Variants in KCNMB2 observed in about 807,000 individuals in gnomAD.
KCNMB2 encodes potassium calcium-activated channel subfamily M regulatory beta subunit 2.
A neutral mutation model predicts 24.5 loss-of-function variants in KCNMB2; 9 were observed. The ratio of observed to expected loss-of-function variants is 0.37; its 90% confidence interval spans 0.22 to 0.64. KCNMB2 has a LOEUF of 0.64. KCNMB2 is among the 30% of genes least tolerant of loss of function. The pLI is 0.63. For missense variants in KCNMB2, 226 were observed against 284.3 expected, an observed-to-expected ratio of 0.79 and a Z score of 1.47; for synonymous variants, 109 against 104.4, an observed-to-expected ratio of 1.04 and a Z score of -0.27.
chr3:178,695,998 G>A (rs757177285), intron 1 of KCNMB2, among the ~76,000 whole-genome samples: 2 of 152,190 alleles, frequency 1.3e-5, no homozygotes, highest in Non-Finnish European at 2.9e-5. Context: ...ACCTGAGACT[G>A]GGTCATTTAT....
chr3:178,742,188 T>C (rs763233019), intron 1 of KCNMB2, among the ~76,000 whole-genome samples: 3 of 152,204 alleles, frequency 2.0e-5, no homozygotes, highest in Non-Finnish European at 2.9e-5. Flanking sequence ...TACTCTACGG[T>C]TAATGGTTAG....
chr3:178,841,533 T>G (rs1438732316), intron 4 of KCNMB2: 2 of 152,204 alleles, frequency 1.3e-5, no homozygotes, highest in African/African-American at 4.8e-5. Context: ...GAAAAAGGTT[T>G]AATTAACTCA....
In KCNMB2 at chr3:178,568,816, T is replaced by TA. The variant is rs1553813572; in HGVS notation, c.-68+32107dup. ...ATAGATAGATAGATAGATAGATAGA[T>TA]AATAGATAGATAGATGATAGATAGA... On this transcript the variant is annotated intron_variant, in intron 1 of 4. Coordinates refer to ENST00000452583, the MANE Select transcript of KCNMB2 (RefSeq NM_181361.3). Among the ~76,000 whole-genome samples, 138 of 49,050 alleles carry TA rather than the reference T, an allele frequency of 2.8e-3. 1 individual carries two copies. Among genetic ancestry groups the TA allele is most frequent in the East Asian group, 0.014 (32 of 2,330 alleles). The allele number at this position is 49,050 out of a possible 152,430, so 32.2% of individuals were successfully genotyped here.
intron 2 of KCNMB2, among the ~76,000 whole-genome samples, chr3:178,821,372 C>T (rs1456212289): frequency 6.6e-6 from 1 of 152,184 alleles, no homozygotes; most frequent in Non-Finnish European, 1.5e-5. Flanking sequence ...AACTAATGCA[C>T]CCTGTCTCAG....
rs997597107 is a variant in KCNMB2 at position 178,730,257 on chromosome 3, A to C, written c.-67-77086A>C. Among the ~76,000 whole-genome samples the C allele has an allele frequency of 5.3e-5, 8 of 152,364 alleles. No individual in the cohort carries two copies. The South Asian group carries it at 1.0e-3, about 20-fold the overall frequency. ...TATGATCTGCAAATTATCAAATTGCATAACTTGCTCATGATACAGATGCTT... is the reference window on the plus strand; with the variant it reads ...TATGATCTGCAAATTATCAAATTGCCTAACTTGCTCATGATACAGATGCTT... On this transcript the variant is annotated intron_variant, in intron 1 of 4. Coordinates refer to ENST00000452583, the MANE Select transcript of KCNMB2 (RefSeq NM_181361.3).
At chr3:178,830,337 GTTTA>G (rs774638848) in intron 4 of KCNMB2, among the ~76,000 whole-genome samples, 34 of 152,120 alleles carry the variant, frequency 2.2e-4, no homozygotes, top group African/African-American at 6.3e-4. Context: ...GAGTATGTCT[GTTTA>G]TTTATTCATT....
chr3:178,614,285 A>ATGTATGTG (rs1333045490), intron 1 of KCNMB2, among the ~76,000 whole-genome samples: 34 of 103,252 alleles, frequency 3.3e-4, no homozygotes, highest in Middle Eastern at 4.5e-3. Context: ...ATATATATAT[A>ATGTATGTG]TATATATATA....
intron 1 of KCNMB2, among the ~76,000 whole-genome samples, chr3:178,630,975 T>C (rs1205069579): frequency 6.6e-6 from 1 of 152,194 alleles, no homozygotes; most frequent in African/African-American, 2.4e-5. Context: ...GCACCTTATT[T>C]TTCAGTAGTT....
chr3:178,568,885 T>C (rs1257279155), intron 1 of KCNMB2, among the ~76,000 whole-genome samples: 1 of 147,022 alleles, frequency 6.8e-6, no homozygotes, highest in East Asian at 2.0e-4. Context: ...GATAGATAGA[T>C]AGATAGATAG....
intron 1 of KCNMB2, among the ~76,000 whole-genome samples, chr3:178,741,301 G>GA (rs1559997599): frequency 1.3e-5 from 2 of 151,976 alleles, no homozygotes; most frequent in African/African-American, 2.4e-5. Flanking sequence ...GCTGTTTTAA[G>GA]AAAAAAATGG....
chr3:178,628,939 T>A (rs1373549449), intron 1 of KCNMB2, among the ~76,000 whole-genome samples: 1 of 152,190 alleles, frequency 6.6e-6, no homozygotes, highest in Non-Finnish European at 1.5e-5. Context: ...CCATAAGACC[T>A]CTGTCTACTT....
chr3:178,757,302 AT>A, intron 1 of KCNMB2, among the ~76,000 whole-genome samples: 1 of 104,918 alleles, frequency 9.5e-6, no homozygotes, highest in African/African-American at 3.7e-5. Flanking sequence ...ATATATATAT[AT>A]ATATCCATCC....
At chr3:178,713,089 A>G (rs1222446482) in intron 1 of KCNMB2, among the ~76,000 whole-genome samples, 2 of 152,216 alleles carry the variant, frequency 1.3e-5, no homozygotes, top group Non-Finnish European at 2.9e-5. Flanking sequence ...AAATGGACTG[A>G]GAGATCTTAT....
At chr3:178,761,813 C>T (rs1354399040) in intron 1 of KCNMB2, among the ~76,000 whole-genome samples, 1 of 152,102 alleles carries the variant, frequency 6.6e-6, no homozygotes, top group African/African-American at 2.4e-5. Context: ...GAAGGAGATA[C>T]ACAATAAACA....
chr3:178,728,922 G>C (rs1014879545), intron 1 of KCNMB2, among the ~76,000 whole-genome samples: 1 of 152,090 alleles, frequency 6.6e-6, no homozygotes, highest in Non-Finnish European at 1.5e-5. Context: ...TGTTCTCAAC[G>C]TTAGAACCAA....
chr3:178,654,076 C>T (rs560699161), intron 1 of KCNMB2, among the ~76,000 whole-genome samples: 19 of 152,132 alleles, frequency 1.2e-4, no homozygotes, highest in Non-Finnish European at 2.5e-4. Flanking sequence ...CCAATTTTAG[C>T]ACTTTTCACA....
chr3:178,755,238 T>G (rs1203697413), intron 1 of KCNMB2, among the ~76,000 whole-genome samples: 1 of 152,218 alleles, frequency 6.6e-6, no homozygotes, highest in East Asian at 1.9e-4. Context: ...ACCTGGCATT[T>G]TGAATATAAA....
At chr3:178,551,770 C>A (rs144188122) in intron 1 of KCNMB2, among the ~76,000 whole-genome samples, 124 of 152,294 alleles carry the variant, frequency 8.1e-4, no homozygotes, top group African/African-American at 2.9e-3. Flanking sequence ...CCCTATCGTG[C>A]ACTTGAGAAA....
chr3:178,641,539 A>G (rs1217480575), intron 1 of KCNMB2, among the ~76,000 whole-genome samples: 2 of 152,170 alleles, frequency 1.3e-5, no homozygotes, highest in Admixed American at 1.3e-4. Flanking sequence ...GGACCTTGCT[A>G]TAATCACTGA....
Sources: allele counts gnomAD v4.1 joint callset (sites outside exome capture counted in the v4.1 genomes callset), GRCh38; gene constraint gnomAD v4.1.1; transcripts MANE v1.5; gene names NCBI Gene and HGNC (gene_info 2026-07-23, HGNC 2026-07-21).